The following TCF7L2 variants were observed in gnomAD, a reference collection of about 807,000 sequenced individuals.
TCF7L2 encodes the protein transcription factor 7-like 2.
Under a neutral mutation model 77.9 loss-of-function variants are expected in TCF7L2, and 23 were observed. The observed-to-expected ratio is 0.30, with a 90% CI of 0.21 to 0.42. The LOEUF (loss-of-function observed/expected upper bound fraction) is 0.42, where lower values mean the gene tolerates loss of function less well. TCF7L2 is among the 10% of genes least tolerant of loss of function. The probability of loss-of-function intolerance (pLI) is 1.00; values close to 1 mark genes in which losing one functional copy is unlikely to be tolerated. For synonymous variants in TCF7L2, 413 were observed against 340.2 expected (o/e 1.21, Z -2.36); for missense variants, 654 against 793.1 (o/e 0.82, Z 2.11).
At chr10:113,041,761 G>A (rs529765067) in intron 5 of TCF7L2, among the ~76,000 whole-genome samples, 14 of 152,232 alleles carry the variant, frequency 9.2e-5, no homozygotes, top group African/African-American at 3.4e-4. Flanking sequence ...CACCTAGAGA[G>A]TAAAGTGAAG....
At chr10:113,071,362 A>G (rs112100399) in intron 5 of TCF7L2, among the ~76,000 whole-genome samples, 3 of 152,128 alleles carry the variant, frequency 2.0e-5, no homozygotes, top group Non-Finnish European at 2.9e-5. Context: ...GCAGGAGGAC[A>G]TGGGAGAGTT....
intron 4 of TCF7L2, among the ~76,000 whole-genome samples, chr10:112,991,068 G>C (rs1037369228): frequency 6.6e-6 from 1 of 152,156 alleles, no homozygotes; most frequent in African/African-American, 2.4e-5. Flanking sequence ...AGGTGGAGTG[G>C]ACATGCCAAA....
intron 4 of TCF7L2, among the ~76,000 whole-genome samples, chr10:112,966,184 T>TTATATATATTTATA (rs1477073663): frequency 0.067 from 7,653 of 114,186 alleles, 871 homozygotes; most frequent in East Asian, 0.47. Flanking sequence ...TAAAATATAT[T>TTATATATATTTATA]TATATATATA....
At chr10:112,995,106 CAAAT>C (rs774979705) in intron 4 of TCF7L2, among the ~76,000 whole-genome samples, 12 of 152,126 alleles carry the variant, frequency 7.9e-5, no homozygotes, top group Admixed American at 1.3e-4. Context: ...TGTCTCAAAA[CAAAT>C]GAAAAGAAAA....
At chr10:113,007,073 A>C (rs1564775756) in intron 4 of TCF7L2, among the ~76,000 whole-genome samples, 1 of 152,196 alleles carries the variant, frequency 6.6e-6, no homozygotes, top group Non-Finnish European at 1.5e-5. Flanking sequence ...CTTGTGTATT[A>C]CCTGGGATGA....
intron 5 of TCF7L2, among the ~76,000 whole-genome samples, chr10:113,092,416 A>G (rs994442735): frequency 1.3e-5 from 2 of 152,238 alleles, no homozygotes; most frequent in African/African-American, 4.8e-5. Flanking sequence ...GAGCTTGATG[A>G]GAGAGCTGGT....
chr10:112,966,437 T>C (rs561080402), intron 4 of TCF7L2, among the ~76,000 whole-genome samples: 2 of 152,100 alleles, frequency 1.3e-5, no homozygotes, highest in South Asian at 4.1e-4. Context: ...GAAAGTGCTT[T>C]AGGTGCGGGA....
intron 5 of TCF7L2, among the ~76,000 whole-genome samples, chr10:113,105,658 T>C (rs1006529893): frequency 6.6e-6 from 1 of 152,200 alleles, no homozygotes; most frequent in African/African-American, 2.4e-5. Flanking sequence ...CTTCCAATTC[T>C]TGCTCATTCA....
At chr10:113,079,608 A>G (rs2059111338) in intron 5 of TCF7L2, among the ~76,000 whole-genome samples, 1 of 152,212 alleles carries the variant, frequency 6.6e-6, no homozygotes, top group African/African-American at 2.4e-5. Flanking sequence ...TTTCAGAACC[A>G]TCTAAATCCA....
intron 4 of TCF7L2, among the ~76,000 whole-genome samples, chr10:113,031,148 C>T (rs2050143379): frequency 6.6e-6 from 1 of 152,186 alleles, no homozygotes. Context: ...AACTAAGTCA[C>T]TTAGTTTTCT....
At chr10:113,141,016 T>G (rs1016834711) in intron 5 of TCF7L2, among the ~76,000 whole-genome samples, 168 bp from the exon 6 acceptor site, 8 of 152,180 alleles carry the variant, frequency 5.3e-5, no homozygotes, top group African/African-American at 1.9e-4. Context: ...TACAACTATC[T>G]ATTATTTTCA....
intron 4 of TCF7L2, among the ~76,000 whole-genome samples, chr10:112,990,876 G>T (rs1221620673): frequency 1.3e-5 from 2 of 152,154 alleles, no homozygotes; most frequent in Non-Finnish European, 1.5e-5. Context: ...GAAGCCCTCT[G>T]GGGAGAAAAA....
chr10:112,999,364 G>C (rs1433310681), intron 4 of TCF7L2, among the ~76,000 whole-genome samples: 3 of 152,252 alleles, frequency 2.0e-5, no homozygotes, highest in Non-Finnish European at 4.4e-5. Flanking sequence ...ACTAGGCGTT[G>C]GGCCTGAACA....
intron 8 of TCF7L2, among the ~76,000 whole-genome samples, chr10:113,150,391 C>T (rs1189664757): frequency 1.3e-5 from 2 of 151,866 alleles, no homozygotes; most frequent in East Asian, 3.9e-4. Flanking sequence ...TGATATGAAC[C>T]AAATAGGAAC....
chr10:113,052,300 G>C (rs1331165595), intron 5 of TCF7L2, among the ~76,000 whole-genome samples: 1 of 152,136 alleles, frequency 6.6e-6, no homozygotes, highest in Non-Finnish European at 1.5e-5. Flanking sequence ...GGGCCTCCAG[G>C]GGAAGGATGC....
chr10:112,986,567 GATCA>G (rs1453753451), intron 4 of TCF7L2, among the ~76,000 whole-genome samples: 3 of 152,138 alleles, frequency 2.0e-5, no homozygotes, highest in Admixed American at 1.3e-4. Flanking sequence ...TATCAAAAAA[GATCA>G]ATCAAAGCTC....
intron 5 of TCF7L2, among the ~76,000 whole-genome samples, chr10:113,119,850 T>C (rs1488213987): frequency 6.6e-6 from 1 of 152,178 alleles, no homozygotes; most frequent in East Asian, 1.9e-4. Flanking sequence ...ATATGTCCAC[T>C]ACCCCCAAGC....
At chr10:113,104,373 C>T (rs994255623) in intron 5 of TCF7L2, among the ~76,000 whole-genome samples, 1 of 152,170 alleles carries the variant, frequency 6.6e-6, no homozygotes, top group African/African-American at 2.4e-5. Context: ...TGCTATTCTT[C>T]TCATAGCCAG....
At chr10:113,006,134 G>C (rs899529983) in intron 4 of TCF7L2, among the ~76,000 whole-genome samples, 4 of 152,118 alleles carry the variant, frequency 2.6e-5, no homozygotes, top group Non-Finnish European at 5.9e-5. Flanking sequence ...TTTCTTATAA[G>C]AAATAAAATG....
Sources: allele counts gnomAD v4.1 joint callset (sites outside exome capture counted in the v4.1 genomes callset), GRCh38; gene constraint gnomAD v4.1.1; transcripts MANE v1.5; gene names NCBI Gene and HGNC (gene_info 2026-07-23, HGNC 2026-07-21).